Variants in TMEM150C observed in about 807,000 individuals in gnomAD.
TMEM150C encodes the protein tentonin 3.
TMEM150C carries 10 observed loss-of-function variants against 29.9 expected under a neutral mutation model. The ratio of observed to expected loss-of-function variants is 0.33; its 90% confidence interval spans 0.21 to 0.57. The LOEUF (loss-of-function observed/expected upper bound fraction) is 0.57. Among genes scored for constraint, TMEM150C ranks in the 20% least tolerant of loss-of-function variants. TMEM150C has a pLI of 0.88. For missense variants in TMEM150C, 251 were observed against 303.6 expected (o/e 0.83, Z 1.29); for synonymous variants, 101 against 112.5 (o/e 0.90, Z 0.64).
chr4:82,549,227 A>C (rs114217127), intron 1 of TMEM150C, among the ~76,000 whole-genome samples: 2,463 of 152,298 alleles, frequency 0.016, 80 homozygotes, highest in African/African-American at 0.057. Flanking sequence ...ATTTTTCTTC[A>C]AAAATAAAAT....
intron 1 of TMEM150C, among the ~76,000 whole-genome samples, chr4:82,534,576 C>T (rs1441655318): frequency 1.3e-5 from 2 of 152,322 alleles, no homozygotes; most frequent in Non-Finnish European, 2.9e-5. Flanking sequence ...GATTACTTTA[C>T]AGCAGCGTAT....
At chr4:82,499,921 C>T (rs1378128337) in intron 5 of TMEM150C, among the ~76,000 whole-genome samples, 2 of 151,978 alleles carry the variant, frequency 1.3e-5, no homozygotes, top group Admixed American at 1.3e-4. Flanking sequence ...CTATTTATGA[C>T]TGCGGTAGAA....
intron 1 of TMEM150C, among the ~76,000 whole-genome samples, chr4:82,504,927 G>A (rs1290311250): frequency 6.6e-6 from 1 of 152,194 alleles, no homozygotes; most frequent in Non-Finnish European, 1.5e-5. Context: ...CTACTTGGGA[G>A]GCTGAGGCAG....
intron 1 of TMEM150C, among the ~76,000 whole-genome samples, chr4:82,525,517 TAAAG>T (rs1245088624): frequency 6.6e-6 from 1 of 152,234 alleles, no homozygotes; most frequent in Non-Finnish European, 1.5e-5. Context: ...ATATTCAGGA[TAAAG>T]AAAGGGGGAT....
At chr4:82,537,489 T>TA (rs1328067938) in intron 1 of TMEM150C, among the ~76,000 whole-genome samples, 2 of 152,130 alleles carry the variant, frequency 1.3e-5, no homozygotes, top group Non-Finnish European at 2.9e-5. Context: ...TCAGGAGGCT[T>TA]AAAAATGCTC....
chr4:82,507,491 C>T (rs959088765), intron 1 of TMEM150C, among the ~76,000 whole-genome samples: 6 of 151,572 alleles, frequency 4.0e-5, no homozygotes, highest in African/African-American at 7.3e-5. Flanking sequence ...CATTTACCTG[C>T]GCTTGTCAGC....
At chr4:82,487,375 G>T (rs1251577724) in intron 7 of TMEM150C, among the ~76,000 whole-genome samples, 1 of 152,288 alleles carries the variant, frequency 6.6e-6, no homozygotes, top group East Asian at 1.9e-4. Flanking sequence ...CTTGAACCCA[G>T]GAGGTGGAGG....
intron 1 of TMEM150C, among the ~76,000 whole-genome samples, chr4:82,536,584 A>G (rs1725015138): frequency 1.3e-5 from 2 of 152,120 alleles, no homozygotes; most frequent in South Asian, 4.1e-4. Flanking sequence ...GTTAAAAAAC[A>G]AAGAATGAAC....
At chr4:82,518,325 AAAAG>A (rs1036260443) in intron 1 of TMEM150C, among the ~76,000 whole-genome samples, 7 of 152,026 alleles carry the variant, frequency 4.6e-5, no homozygotes, top group African/African-American at 1.7e-4. Flanking sequence ...CAAAAAAAAA[AAAAG>A]AAAGAAAGTA....
At chr4:82,539,573 C>T (rs1437314279) in intron 1 of TMEM150C, among the ~76,000 whole-genome samples, 1 of 152,132 alleles carries the variant, frequency 6.6e-6, no homozygotes, top group Non-Finnish European at 1.5e-5. Flanking sequence ...CTGCCTCCGA[C>T]TCCCGAGTAG....
chr4:82,543,996 G>A (rs1276547963), intron 1 of TMEM150C, among the ~76,000 whole-genome samples: 1 of 152,130 alleles, frequency 6.6e-6, no homozygotes, highest in Non-Finnish European at 1.5e-5. Flanking sequence ...TGCAAGATTT[G>A]TTTTACCAAA....
intron 1 of TMEM150C, among the ~76,000 whole-genome samples, chr4:82,534,621 A>T (rs147938987): frequency 6.6e-6 from 1 of 152,334 alleles, no homozygotes; most frequent in Non-Finnish European, 1.5e-5. Context: ...TGCCTCAAAC[A>T]TCACCTCAGA....
chr4:82,539,340 T>C (rs1725121868), intron 1 of TMEM150C, among the ~76,000 whole-genome samples: 1 of 152,194 alleles, frequency 6.6e-6, no homozygotes, highest in Non-Finnish European at 1.5e-5. Flanking sequence ...ATAAGGGGTC[T>C]AATTACAATA....
chr4:82,516,848 A>G (rs759018207), intron 1 of TMEM150C, among the ~76,000 whole-genome samples: 5 of 152,240 alleles, frequency 3.3e-5, no homozygotes, highest in Non-Finnish European at 7.3e-5. Flanking sequence ...TTGGAAGGAC[A>G]AAACACATGT....
At chr4:82,559,727 T>G (rs574196525) in intron 1 of TMEM150C, among the ~76,000 whole-genome samples, 1 of 152,330 alleles carries the variant, frequency 6.6e-6, no homozygotes, top group South Asian at 2.1e-4. Flanking sequence ...ACCGTAGTGC[T>G]GATTCTAAGT....
At chr4:82,541,194 C>G (rs1725189413) in intron 1 of TMEM150C, among the ~76,000 whole-genome samples, 1 of 152,142 alleles carries the variant, frequency 6.6e-6, no homozygotes, top group Admixed American at 6.5e-5. Flanking sequence ...TATATACTTT[C>G]TATCCTTCTA....
At chr4:82,506,628 C>T (rs1723930836) in intron 1 of TMEM150C, among the ~76,000 whole-genome samples, 1 of 152,132 alleles carries the variant, frequency 6.6e-6, no homozygotes, top group Non-Finnish European at 1.5e-5. Context: ...ACATTCTACG[C>T]AATATATAAA....
At chr4:82,541,157 G>A (rs1725188168) in intron 1 of TMEM150C, among the ~76,000 whole-genome samples, 1 of 152,074 alleles carries the variant, frequency 6.6e-6, no homozygotes. Flanking sequence ...ACTTTCCTTA[G>A]CAAGGAAATC....
In TMEM150C at chr4:82,528,040, G is replaced by T. The variant is rs371792979; in HGVS notation, c.-10-23373C>A. Reference sequence around the variant, plus strand: ...ACTAGGCCAGTGCTAGAAATACAAAGATTAATATTAACCTTAGACCTCATA... The same window carrying T: ...ACTAGGCCAGTGCTAGAAATACAAATATTAATATTAACCTTAGACCTCATA... On this transcript the variant is annotated intron_variant, in intron 1 of 7. Coordinates refer to ENST00000449862, the MANE Select transcript of TMEM150C (RefSeq NM_001080506.3). 2.0e-5 allele frequency among the ~76,000 whole-genome samples: 3 copies of T among 152,312 alleles called. No homozygotes were observed. In the South Asian group the frequency reaches 6.2e-4, roughly 32 times the overall value.
Sources: gnomAD v4.1 joint callset for allele counts (sites outside exome capture counted in the v4.1 genomes callset) on GRCh38, gnomAD v4.1.1 for gene constraint, MANE v1.5 for transcripts, NCBI Gene and HGNC (gene_info 2026-07-23, HGNC 2026-07-21) for gene names.